PCDHGA4: variants seen among roughly 807,000 people sequenced by gnomAD.
PCDHGA4 encodes protocadherin gamma subfamily A, 4.
A neutral mutation model predicts 54.6 loss-of-function variants in PCDHGA4; 38 were observed. The ratio of observed to expected loss-of-function variants is 0.70; its 90% CI spans 0.54 to 0.91. The LOEUF (loss-of-function observed/expected upper bound fraction) is 0.91. Among genes scored for constraint, PCDHGA4 ranks in the 40% least tolerant of loss-of-function variants. The pLI, the probability that PCDHGA4 is intolerant of heterozygous loss-of-function variation, is 0.00. For missense variants in PCDHGA4, 1,298 were observed against 1,220.9 expected, an observed-to-expected ratio of 1.06 and a Z score of -0.94; for synonymous variants, 511 against 512.9, an observed-to-expected ratio of 1.00 and a Z score of 0.05.
rs774471563 is a variant in PCDHGA4, at chr5:141,365,988, T to A, written c.2514+8367T>A. The A allele has an allele frequency of 5.6e-6, 9 of 1,614,268 alleles. No individual in the cohort carries two copies. The South Asian group carries it at 9.9e-5, about 18-fold the overall frequency. The stretch of plus-strand genomic sequence containing the variant: ...AACGTGTCGCTGAGCCTGTTTGTGC[T>A]GGACCAGAACGACAATACGCCTGAG... On this transcript the variant is annotated intron_variant, in intron 1 of 3. Coordinates refer to ENST00000571252, the MANE Select transcript of PCDHGA4 (RefSeq NM_018917.4).
intron 1 of PCDHGA4, chr5:141,361,549 G>A (rs1366415460): frequency 1.9e-6 from 3 of 1,613,918 alleles, no homozygotes; most frequent in East Asian, 4.5e-5. Context: ...CGCCTCTATC[G>A]CTCAAATCAG....
Position 141,357,610 on chromosome 5 carries a change from C to A in PCDHGA4, c.2503C>A (p.Pro835Thr). The A allele has an allele frequency of 6.2e-7, 1 of 1,613,906 alleles. No individual in the cohort carries two copies. The part of the protein sequence containing the change: ...TQDLLETKGD[P>T]NLQQAPPNTD... Reference sequence around the variant, plus strand: ...GGATTTACTTGAAACAAAAGGAGACCCTAATCTTCAGGTGAGTCAATCTTA... The same window carrying A: ...GGATTTACTTGAAACAAAAGGAGACACTAATCTTCAGGTGAGTCAATCTTA... The change falls in exon 1 of 4, where the codon CCT (proline) becomes ACT (threonine). Residue 835 changes from proline (P) to threonine (T), a missense_variant. Physicochemically the swap from Pro to Thr is conservative, Grantham distance 38. Coordinates refer to ENST00000571252, the MANE Select transcript of PCDHGA4 (RefSeq NM_018917.4).
Position 141,489,276 on chromosome 5 carries a change from AT to A in PCDHGA4, c.2515-5530del, listed in dbSNP as rs2099684949. 1.9e-6 allele frequency: 3 copies of A among 1,556,004 alleles called. No homozygotes were observed. Among genetic ancestry groups the A allele is most frequent in the Non-Finnish European group, 2.6e-6 (3 of 1,151,570 alleles). ...AGACACTCCCACAGCTCGCTGGGAA[AT>A]GGCAAGTGCTGTGCATGTTGTCCTT... On this transcript the variant is annotated intron_variant, in intron 1 of 3. Coordinates refer to ENST00000571252, the MANE Select transcript of PCDHGA4 (RefSeq NM_018917.4). This position sits in a 1 kb window ranked among gnomAD's most constrained non-coding sequence, Gnocchi z 4.5.
rs1449605701 is a variant in PCDHGA4 at position 141,485,191 on chromosome 5, A to C, written c.2515-9616A>C. ...CGGCAGCAATGCTCCGCAAGGTGAG[A>C]AGCTGGACAGAAATCTGGCGGTGGG... is the stretch of plus-strand genomic sequence containing the variant. On this transcript the variant is annotated intron_variant, in intron 1 of 3. Coordinates refer to ENST00000571252, the MANE Select transcript of PCDHGA4 (RefSeq NM_018917.4). This position sits in a 1 kb window ranked among gnomAD's most constrained non-coding sequence, Gnocchi z 5.7. The C allele has an allele frequency of 6.2e-7, 1 of 1,613,836 alleles. No individual in the cohort carries two copies. The highest frequency in any genetic ancestry group is 1.3e-5 in the African/African-American group (1 of 75,042).
chr5:141,394,864 C>T, intron 1 of PCDHGA4: 4 of 1,613,780 alleles, frequency 2.5e-6, no homozygotes, highest in Non-Finnish European at 3.4e-6. Context: ...TCGGTCGACC[C>T]GAACGATTCG....
intron 2 of PCDHGA4, among the ~76,000 whole-genome samples, chr5:141,501,700 C>T (rs936448354): frequency 6.6e-6 from 1 of 151,950 alleles, no homozygotes; most frequent in African/African-American, 2.4e-5. Flanking sequence ...AGGGTGATTC[C>T]GAGGATAAAA....
chr5:141,418,696 T>C, intron 1 of PCDHGA4: 1 of 1,614,034 alleles, frequency 6.2e-7, no homozygotes, highest in Non-Finnish European at 8.5e-7. Context: ...AGATCACTTA[T>C]TCCTTCTTTG....
At chr5:141,410,715 G>C (rs1237496496) in intron 1 of PCDHGA4, 1 of 1,422,664 alleles carries the variant, frequency 7.0e-7, no homozygotes, top group Non-Finnish European at 9.4e-7. Context: ...AGAATCATAT[G>C]TTTAAAATCC....
intron 1 of PCDHGA4, chr5:141,418,421 G>A (rs776535087): frequency 2.5e-6 from 4 of 1,613,966 alleles, no homozygotes; most frequent in Non-Finnish European, 3.4e-6. Flanking sequence ...CAATCCTGAT[G>A]GTGGCAAATA....
At chr5:141,397,904 G>A in intron 1 of PCDHGA4, 1 of 657,312 alleles carries the variant, frequency 1.5e-6, no homozygotes, top group Non-Finnish European at 2.5e-6. Flanking sequence ...TGCAGAGCTT[G>A]GCGCTCCAGA....
Position 141,490,583 on chromosome 5 carries a change from A to G in PCDHGA4, c.2515-4224A>G, listed in dbSNP as rs2099701693. ...ATCAGGCTCAACATTTCAGATGTCAATGACAATGCACCCCGCTTCAACCAG... is the reference window on the plus strand; with the variant it reads ...ATCAGGCTCAACATTTCAGATGTCAGTGACAATGCACCCCGCTTCAACCAG... On this transcript the variant is annotated intron_variant, in intron 1 of 3. Coordinates refer to ENST00000571252, the MANE Select transcript of PCDHGA4 (RefSeq NM_018917.4). This position sits in a 1 kb window ranked among gnomAD's most constrained non-coding sequence, Gnocchi z 5.4. 2.5e-6 allele frequency: 4 copies of G among 1,614,138 alleles called. No homozygotes were observed. Among genetic ancestry groups the G allele is most frequent in the African/African-American group, 1.3e-5 (1 of 75,032 alleles).
intron 1 of PCDHGA4, chr5:141,421,044 C>CGCCT (rs891153203): frequency 6.4e-5 from 35 of 548,614 alleles, no homozygotes; most frequent in African/African-American, 6.0e-4. Context: ...CTCCCTCCCC[C>CGCCT]GCCTCTACCA....
chr5:141,420,496 G>T, intron 1 of PCDHGA4: 1 of 495,924 alleles, frequency 2.0e-6, no homozygotes, highest in Non-Finnish European at 3.1e-6. Context: ...GTAATCTCCG[G>T]TGACATTTTT....
chr5:141,420,311 T>G (rs762191274), intron 1 of PCDHGA4: 1 of 1,454,814 alleles, frequency 6.9e-7, no homozygotes, highest in Non-Finnish European at 9.3e-7. Flanking sequence ...CTTTTTATAT[T>G]ACAATATGCC....
chr5:141,423,597 G>C, intron 1 of PCDHGA4: 1 of 1,613,188 alleles, frequency 6.2e-7, no homozygotes, highest in Non-Finnish European at 8.5e-7. Context: ...AGAAAAGCGA[G>C]CCACTCTTGA....
chr5:141,356,986 A>C lies in PCDHGA4; in HGVS notation c.1879A>C (p.Arg627=). The change falls in exon 1 of 4, where the codon AGA becomes CGA. Residue 627 remains arginine (R), a synonymous_variant. Coordinates refer to ENST00000571252, the MANE Select transcript of PCDHGA4 (RefSeq NM_018917.4). ...GGTGACCAAAGTGGTGGCAGTGGACAGAGACTCAGGTCAGAATGCCTGGCT... is the reference window on the plus strand; with the variant it reads ...GGTGACCAAAGTGGTGGCAGTGGACCGAGACTCAGGTCAGAATGCCTGGCT... The part of the protein sequence containing the change: ...YLVTKVVAVD[R]DSGQNAWLSY... 1 of 1,614,164 alleles carries C rather than the reference A, an allele frequency of 6.2e-7. No homozygotes were observed. The highest frequency in any genetic ancestry group is 8.5e-7 in the Non-Finnish European group (1 of 1,180,016).
Position 141,476,217 on chromosome 5 carries a change from A to G in PCDHGA4, c.2515-18590A>G. On this transcript the variant is annotated intron_variant, in intron 1 of 3. Coordinates refer to ENST00000571252, the MANE Select transcript of PCDHGA4 (RefSeq NM_018917.4). This position sits in a 1 kb window ranked among gnomAD's most constrained non-coding sequence, Gnocchi z 7.6. ...TTGAACAAGGCTTCCACGGTCATTC[A>G]CTATGAGATCCCGGAGGAAAGAGAG... The G allele has an allele frequency of 6.2e-7, 1 of 1,613,836 alleles. No homozygotes were observed. The highest frequency in any genetic ancestry group is 2.2e-5 in the East Asian group (1 of 44,818).
chr5:141,415,744 T>TG (rs2095925177), intron 1 of PCDHGA4: 4 of 404,428 alleles, frequency 9.9e-6, no homozygotes, highest in Admixed American at 2.1e-4. Flanking sequence ...ATTAAGGTTT[T>TG]TTTTTTTTTT....
intron 1 of PCDHGA4, chr5:141,372,327 A>G (rs1768669184): frequency 3.7e-6 from 6 of 1,613,586 alleles, no homozygotes; most frequent in Admixed American, 1.7e-5. Flanking sequence ...CCTGCTGGTC[A>G]CTGTGCGTGA....
Sources: gnomAD v4.1 joint callset for allele counts (sites outside exome capture counted in the v4.1 genomes callset) on GRCh38, gnomAD v4.1.1 for gene constraint, Gnocchi (gnomAD v3.1) non-coding constraint, MANE v1.5 for transcripts, NCBI Gene and HGNC (gene_info 2026-07-23, HGNC 2026-07-21) for gene names.